Variants in LRP1 observed in about 807,000 individuals in gnomAD.
LRP1 encodes the protein prolow-density lipoprotein receptor-related protein 1.
LRP1 carries 51 observed loss-of-function variants against 541.5 expected under a neutral mutation model. That is an observed-to-expected ratio of 0.09 (90% CI 0.08 to 0.12). The LOEUF (loss-of-function observed/expected upper bound fraction) is 0.12, where lower values mean the gene tolerates loss of function less well. Ranked by LOEUF, LRP1 falls within the 10% of genes least tolerant of loss-of-function variation. The pLI is 1.00. For missense variants in LRP1, 3,878 were observed against 6,376.2 expected (o/e 0.61, Z 13.34); for synonymous variants, 2,219 against 2,470.8 (o/e 0.90, Z 3.02).
In LRP1 at chr12:57,183,449, G is replaced by C. The variant is rs754719895; in HGVS notation, c.5733G>C (p.Lys1911Asn). The change falls in exon 35 of 89, where the codon AAG becomes AAC. Residue 1911 changes from lysine (K) to asparagine (N), a missense_variant. Lys to Asn is a moderately conservative substitution (Grantham distance 94). Coordinates refer to ENST00000243077, the MANE Select transcript of LRP1 (RefSeq NM_002332.3). This position sits in a 1 kb window ranked among gnomAD's most constrained non-coding sequence, Gnocchi z 6.1. ...GAATTCCCCTGGATCCCAATGACAA[G>C]TCAGATGCCCTGGTCCCAGTGTCCG... ...IRGIPLDPND[K>N]SDALVPVSGT... is the part of the protein sequence containing the mutation. The C allele has an allele frequency of 1.2e-6, 2 of 1,614,194 alleles. No individual in the cohort carries two copies. Among genetic ancestry groups the C allele is most frequent in the Admixed American group, 3.3e-5 (2 of 60,028 alleles).
rs1192842549 is a variant in LRP1 at position 57,169,289 on chromosome 12, G to A, written c.3145G>A (p.Ala1049Thr). The stretch of plus-strand genomic sequence containing the variant: ...CGGAGACTACAGTGATGAGACACAC[G>A]CCAACTGCACCAACCAGGGTGGGCA... ...DCGDYSDETH[A>T]NCTNQATRPP... Residue 1049 changes from alanine to threonine, a missense_variant, in exon 20 of 89, where the codon GCC becomes ACC. Physicochemically the swap from Ala to Thr is moderately conservative, Grantham distance 58 (BLOSUM62 0). Coordinates refer to ENST00000243077, the MANE Select transcript of LRP1 (RefSeq NM_002332.3). The A allele has an allele frequency of 2.5e-6, 4 of 1,608,396 alleles. No homozygotes were observed. Among genetic ancestry groups the A allele is most frequent in the African/African-American group, 1.3e-5 (1 of 74,842 alleles).
At position 57,212,177 on chromosome 12, in the gene LRP1, C is replaced by T. The variant is rs2036932967; in HGVS notation, c.13410C>T (p.Asn4470=). 1.2e-6 allele frequency: 2 copies of T among 1,614,026 alleles called. No homozygotes were observed. Among genetic ancestry groups the T allele is most frequent in the Non-Finnish European group, 1.7e-6 (2 of 1,180,022 alleles). The change falls in exon 88 of 89, where the codon AAC becomes AAT. Residue 4470 remains asparagine, a synonymous_variant. Transcript: ENST00000243077. This position sits in a 1 kb window ranked among gnomAD's most constrained non-coding sequence, Gnocchi z 5.0. ...TNGAMNVEIG[N]PTYKMYEGGE... is the part of the protein sequence containing the mutation. ...GGGCCATGAACGTGGAGATTGGAAA[C>T]CCCACCTACAAGATGTACGAAGGCG...
Position 57,184,848 on chromosome 12 carries a change from C to G in LRP1, c.6196C>G (p.Leu2066Val), listed in dbSNP as rs756923410. The change falls in exon 39 of 89, where the codon CTG becomes GTG. Residue 2066 changes from leucine (L) to valine (V), a missense_variant. Around this residue, in one of 13 missense-constraint regions of LRP1, gnomAD observed 1,100 missense variants for 1,827.4 expected, o/e 0.60. Coordinates refer to ENST00000243077, the MANE Select transcript of LRP1 (RefSeq NM_002332.3). The surrounding 1 kb of genome is among the most constrained non-coding windows in gnomAD (Gnocchi z 7.8). ...GISVDYQDGKLYWCDARTDKI... is the reference protein window; with the variant it reads ...GISVDYQDGKVYWCDARTDKI... ...TGCCTCTGGCCTGTAGGATGGGAAG[C>G]TGTACTGGTGCGATGCACGGACAGA... 4.3e-6 allele frequency: 7 copies of G among 1,612,748 alleles called. No homozygotes were observed. The East Asian group carries it at 1.6e-4, about 36-fold the overall frequency.
Position 57,211,179 on chromosome 12 carries a change from A to G in LRP1, c.12920A>G (p.Gln4307Arg), listed in dbSNP as rs950157366. 2 of 1,614,106 alleles carry G rather than the reference A, an allele frequency of 1.2e-6. No homozygotes were observed. The highest frequency in any genetic ancestry group is 4.5e-5 in the East Asian group (2 of 44,880). ...TTCTCTCCCTCCCCAACCACAGGGCAGTGCTCTGGCTACTGTGAGAACTTT... is the reference window on the plus strand; with the variant it reads ...TTCTCTCCCTCCCCAACCACAGGGCGGTGCTCTGGCTACTGTGAGAACTTT... The part of the protein sequence containing the change: ...GFLGDRCQYR[Q>R]CSGYCENFGT... Residue 4307 changes from glutamine to arginine, a missense_variant, in exon 84 of 89, where the codon CAG becomes CGG. Physicochemically the swap from Gln to Arg is conservative, Grantham distance 43 (BLOSUM62 1). This residue lies in a region of LRP1 where 871 missense variants were observed against 1,212.4 expected (regional missense o/e 0.72). Coordinates refer to ENST00000243077, the MANE Select transcript of LRP1 (RefSeq NM_002332.3). The surrounding 1 kb of genome is among the most constrained non-coding windows in gnomAD (Gnocchi z 4.3).
At chr12:57,170,589 C>G (rs1270601944) in intron 20 of LRP1, among the ~76,000 whole-genome samples, 1 of 151,954 alleles carries the variant, frequency 6.6e-6, no homozygotes, top group Non-Finnish European at 1.5e-5. Flanking sequence ...GGAGGCAAGG[C>G]AGGAGGATCA....
chr12:57,199,420 G>C lies in LRP1; in HGVS notation c.9865+20G>C, dbSNP rs1165328765. ...CAGACGGTGAGCAGGCAAGGGGTGG[G>C]AGCAGGCGAACGGTGAGCCAGGCAC... On this transcript the variant is annotated intron_variant, in intron 61 of 88. Transcript: ENST00000243077. 6.2e-7 allele frequency: 1 copy of C among 1,601,284 alleles called. No individual in the cohort carries two copies. The highest frequency in any genetic ancestry group is 1.3e-5 in the African/African-American group (1 of 74,880).
chr12:57,196,947 C>CCA (rs2036546297), intron 55 of LRP1, 35 bp from the exon 56 acceptor site: 10 of 1,571,958 alleles, frequency 6.4e-6, no homozygotes, highest in Non-Finnish European at 6.9e-6. Flanking sequence ...CCAGACCCTG[C>CCA]CACATGCCCA....
intron 67 of LRP1, 129 bp downstream of exon 67, chr12:57,202,034 G>GCAAAT (rs1300792564): frequency 2.4e-6 from 3 of 1,241,144 alleles, no homozygotes; most frequent in Non-Finnish European, 3.4e-6. Context: ...GGGCTTCCTG[G>GCAAAT]GCCTGCTGTG....
In LRP1 at chr12:57,180,030, T is replaced by C. The variant is rs1222741011; in HGVS notation, c.5142-17T>C. 2 of 1,613,712 alleles carry C rather than the reference T, an allele frequency of 1.2e-6. No homozygotes were observed. Among genetic ancestry groups the C allele is most frequent in the East Asian group, 4.5e-5 (2 of 44,860 alleles). ...GAAGAGGACCCTGACCTTTCCCTCT[T>C]GGCACCCTCCCCCCAGGAAGCTCTA... On this transcript the variant is annotated splice_polypyrimidine_tract_variant and intron_variant, in intron 30 of 88. Coordinates refer to ENST00000243077, the MANE Select transcript of LRP1 (RefSeq NM_002332.3).
rs763422152 is a variant in LRP1 at position 57,166,198 on chromosome 12, C to A, written c.2786C>A (p.Ala929Asp). ...GGGAACAGTGAAGATGAGTCCAATGCCACTTGTTCAGGTGTGGAGCGGGGC... is the reference window on the plus strand; with the variant it reads ...GGGAACAGTGAAGATGAGTCCAATGACACTTGTTCAGGTGTGGAGCGGGGC... The part of the protein sequence containing the change: ...DCGNSEDESN[A>D]TCSARTCPPN... The change falls in exon 17 of 89, where the codon GCC becomes GAC. Residue 929 changes from alanine to aspartate, a missense_variant. Transcript: ENST00000243077. 3.7e-6 allele frequency: 6 copies of A among 1,610,206 alleles called. No homozygotes were observed. The highest frequency in any genetic ancestry group is 5.1e-6 in the Non-Finnish European group (6 of 1,178,206).
Position 57,179,880 on chromosome 12 carries a change from C to A in LRP1, c.5065C>A (p.Leu1689Met). Residue 1689 changes from leucine to methionine, a missense_variant, in exon 30 of 89, where the codon CTG becomes ATG. By Grantham distance (15) the Leu-to-Met change is conservative (BLOSUM62 2). Coordinates refer to ENST00000243077, the MANE Select transcript of LRP1 (RefSeq NM_002332.3). This position sits in a 1 kb window ranked among gnomAD's most constrained non-coding sequence, Gnocchi z 6.8. ...TAAGAAGCAGATCAATGTGGCCCGG[C>A]TGGATGGCTCCTTCAAGAACGCAGT... is the stretch of plus-strand genomic sequence containing the variant. ...TNKKQINVAR[L>M]DGSFKNAVVQ... The A allele has an allele frequency of 3.1e-6, 5 of 1,614,168 alleles. No homozygotes were observed. The highest frequency in any genetic ancestry group is 4.2e-6 in the Non-Finnish European group (5 of 1,180,042).
intron 68 of LRP1, 123 bp from the exon 69 acceptor site, chr12:57,203,058 G>C (rs2036689527): frequency 1.4e-6 from 1 of 725,994 alleles, no homozygotes; most frequent in South Asian, 1.9e-5. Context: ...CTCGGCCTCT[G>C]GGTCAGTCAG....
intron 41 of LRP1, among the ~76,000 whole-genome samples, chr12:57,186,427 T>A (rs2036271581): frequency 6.6e-6 from 1 of 152,204 alleles, no homozygotes; most frequent in Admixed American, 6.5e-5. Flanking sequence ...GAAAACTGCA[T>A]CCTGCTACAT....
Position 57,209,772 on chromosome 12 carries a change from A to C in LRP1, c.12343A>C (p.Ile4115Leu), listed in dbSNP as rs766973770. 7.4e-6 allele frequency: 12 copies of C among 1,614,056 alleles called. No individual in the cohort carries two copies. The highest frequency in any genetic ancestry group is 3.3e-5 in the Admixed American group (2 of 60,010). ...VTYINNRVFK[I>L]HKFGHSPLVN... ...CTACATCAATAATCGTGTCTTCAAG[A>C]TCCATAAGTTTGGCCACAGCCCCTT... The change falls in exon 80 of 89, where the codon ATC becomes CTC. Residue 4115 changes from isoleucine (I) to leucine (L), a missense_variant. Ile to Leu is a conservative substitution (Grantham distance 5). Coordinates refer to ENST00000243077, the MANE Select transcript of LRP1 (RefSeq NM_002332.3).
chr12:57,181,564 G>A (rs1360644079), intron 34 of LRP1, among the ~76,000 whole-genome samples: 1 of 152,214 alleles, frequency 6.6e-6, no homozygotes, highest in East Asian at 1.9e-4. Flanking sequence ...ATTGTTCAAA[G>A]GAGAGGGAAC....
intron 55 of LRP1, among the ~76,000 whole-genome samples, chr12:57,196,701 G>A (rs1479942965): frequency 6.6e-6 from 1 of 152,234 alleles, no homozygotes; most frequent in Non-Finnish European, 1.5e-5. Flanking sequence ...GGAAGTGAGG[G>A]GACCAGCAGA....
intron 6 of LRP1, chr12:57,149,477 T>A: frequency 3.3e-6 from 2 of 604,138 alleles, no homozygotes; most frequent in Non-Finnish European, 3.0e-6. Context: ...GCACTCCCCT[T>A]GCTGTTTTCA....
At chr12:57,129,092 C>T (rs1026904338) in intron 1 of LRP1, 61 bp downstream of exon 1, 1 of 1,486,446 alleles carries the variant, frequency 6.7e-7, no homozygotes, top group African/African-American at 1.4e-5. Context: ...AGCCCCCACT[C>T]CTGCATACGG....
chr12:57,169,034 G>A, intron 19 of LRP1, 106 bp from the exon 20 acceptor site: 1 of 922,708 alleles, frequency 1.1e-6, no homozygotes, highest in East Asian at 2.5e-5. Context: ...GGGGGGGTTA[G>A]GGTGGGCTGA....
Sources: gnomAD v4.1 joint callset for allele counts (sites outside exome capture counted in the v4.1 genomes callset) on GRCh38, gnomAD v4.1.1 for gene constraint, gnomAD v4.1.1 regional missense constraint, Gnocchi (gnomAD v3.1) non-coding constraint, MANE v1.5 for transcripts, NCBI Gene and HGNC (gene_info 2026-07-23, HGNC 2026-07-21) for gene names.